RIT2: variants seen among roughly 807,000 people sequenced by gnomAD.
RIT2 encodes GTP-binding protein Rit2.
In RIT2, 24 loss-of-function variants were observed where a neutral mutation model predicts 23.7. The ratio of observed to expected loss-of-function variants is 1.01; its 90% CI spans 0.73 to 1.43. The LOEUF is 1.43. Among genes scored for constraint, RIT2 ranks in the 40% most tolerant of loss-of-function variants. The pLI is 0.00. For missense variants in RIT2, 236 were observed against 266.9 expected (o/e 0.88, Z 0.81); for synonymous variants, 107 against 91.1 (o/e 1.17, Z -0.99).
At chr18:42,843,161 A>G (rs1906813274) in intron 4 of RIT2, among the ~76,000 whole-genome samples, 1 of 152,238 alleles carries the variant, frequency 6.6e-6, no homozygotes, top group South Asian at 2.1e-4. Context: ...CTCACCTCAC[A>G]TAGAATGTGA....
chr18:42,842,892 A>C, intron 4 of RIT2, among the ~76,000 whole-genome samples: 1 of 152,176 alleles, frequency 6.6e-6, no homozygotes, highest in East Asian at 1.9e-4. Flanking sequence ...ATTAGAAAAT[A>C]ATCTCTTCCA....
intron 4 of RIT2, among the ~76,000 whole-genome samples, chr18:42,866,814 C>CT (rs1358766892): frequency 6.6e-6 from 1 of 152,014 alleles, no homozygotes; most frequent in Non-Finnish European, 1.5e-5. Flanking sequence ...TTAAATGGCT[C>CT]TTTTTTGTAT....
intron 2 of RIT2, among the ~76,000 whole-genome samples, chr18:43,026,932 A>G (rs1911746774): frequency 6.6e-6 from 1 of 152,136 alleles, no homozygotes; most frequent in African/African-American, 2.4e-5. Flanking sequence ...ATGCAAGAAG[A>G]CCAAATGCTG....
In RIT2 at chr18:43,034,806, C is replaced by T. The variant is rs568583018; in HGVS notation, c.104-939G>A. ...CCTGATATCTGATCCTCTGTCCTAC[C>T]TTCAACAAGAATCCTGCTAAGTCAG... On this transcript the variant is annotated intron_variant, in intron 1 of 4. Transcript: ENST00000326695. Among the ~76,000 whole-genome samples the T allele has an allele frequency of 2.0e-5, 3 of 152,234 alleles. No homozygotes were observed. The South Asian group carries it at 6.2e-4, about 32-fold the overall frequency.
intron 4 of RIT2, among the ~76,000 whole-genome samples, chr18:42,849,137 G>A (rs1477906849): frequency 6.6e-6 from 1 of 152,156 alleles, no homozygotes; most frequent in Non-Finnish European, 1.5e-5. Flanking sequence ...CATCAGTGTA[G>A]AGCTGAGATG....
intron 2 of RIT2, among the ~76,000 whole-genome samples, chr18:43,000,578 C>A (rs564791943): frequency 5.2e-4 from 79 of 152,068 alleles, no homozygotes; most frequent in Admixed American, 1.9e-3. Flanking sequence ...CAAATCTCAT[C>A]TCAAATTATA....
At chr18:43,022,837 C>T (rs1265632459) in intron 2 of RIT2, among the ~76,000 whole-genome samples, 1 of 152,026 alleles carries the variant, frequency 6.6e-6, no homozygotes, top group Non-Finnish European at 1.5e-5. Context: ...GAGAATTCTC[C>T]TAGCCTGTAG....
At chr18:42,967,993 T>A (rs1012132610) in intron 3 of RIT2, among the ~76,000 whole-genome samples, 10 of 152,172 alleles carry the variant, frequency 6.6e-5, no homozygotes, top group African/African-American at 2.4e-4. Flanking sequence ...ATGTTATATC[T>A]GACACTAATA....
intron 4 of RIT2, among the ~76,000 whole-genome samples, chr18:42,921,145 A>G (rs568141313): frequency 8.5e-5 from 13 of 152,302 alleles, no homozygotes; most frequent in Admixed American, 5.2e-4. Flanking sequence ...TGGTTACAAG[A>G]TAAAAGTGTG....
rs147037038 is a variant in RIT2, at chr18:42,863,390, C to A, written c.426+60182G>T. On this transcript the variant is annotated intron_variant, in intron 4 of 4. Coordinates refer to ENST00000326695, the MANE Select transcript of RIT2 (RefSeq NM_002930.4). ...TCAAAGGACCCTTAACCTTAATTAT[C>A]AAAGTTTACCTCTACCATTATTCTT... 3.1e-3 allele frequency among the ~76,000 whole-genome samples: 474 copies of A among 152,204 alleles called. 2 individuals are homozygous for A. Among genetic ancestry groups the A allele is most frequent in the African/African-American group, 0.011 (460 of 41,536 alleles).
rs73477472 is a variant in RIT2, at chr18:43,005,060, A to G, written c.160+28751T>C. The stretch of plus-strand genomic sequence containing the variant: ...AAACAAATCAATGCAGCTAAGAAAG[A>G]AAAAGTTATAGACTTGGAGATTATG... On this transcript the variant is annotated intron_variant, in intron 2 of 4. Coordinates refer to ENST00000326695, the MANE Select transcript of RIT2 (RefSeq NM_002930.4). Among the ~76,000 whole-genome samples the G allele has an allele frequency of 2.7e-3, 412 of 151,972 alleles. 3 individuals carry two copies. Among genetic ancestry groups the G allele is most frequent in the African/African-American group, 9.7e-3 (401 of 41,518 alleles).
chr18:43,028,868 C>T (rs1911791509), intron 2 of RIT2, among the ~76,000 whole-genome samples: 2 of 151,966 alleles, frequency 1.3e-5, no homozygotes, highest in African/African-American at 2.4e-5. Context: ...TATTAGTGTA[C>T]ATTTTAGACA....
At chr18:42,753,124 G>T (rs1002898841) in intron 4 of RIT2, among the ~76,000 whole-genome samples, 2 of 152,184 alleles carry the variant, frequency 1.3e-5, no homozygotes, top group African/African-American at 4.8e-5. Context: ...GGGCAAAAAG[G>T]CAGGCAGAGC....
intron 4 of RIT2, among the ~76,000 whole-genome samples, chr18:42,845,533 C>T (rs185091261): frequency 6.5e-4 from 98 of 150,270 alleles, no homozygotes; most frequent in East Asian, 4.1e-3. Context: ...ATATACATTG[C>T]GCCCAATAAC....
Position 42,743,484 on chromosome 18 carries a change from G to A in RIT2, c.*9C>T. The A allele has an allele frequency of 6.3e-7, 1 of 1,596,528 alleles. No individual in the cohort carries two copies. The highest frequency in any genetic ancestry group is 8.6e-7 in the Non-Finnish European group (1 of 1,165,010). On this transcript the variant is annotated 3_prime_UTR_variant, in exon 5 of 5. Transcript: ENST00000326695. ...TTCAGAGAGCGTGAGGAACTCAAAAGCAAAGATATCATGTCATATTTTCTC... is the reference window on the plus strand; with the variant it reads ...TTCAGAGAGCGTGAGGAACTCAAAAACAAAGATATCATGTCATATTTTCTC...
chr18:42,784,311 TA>T (rs1006516039), intron 4 of RIT2, among the ~76,000 whole-genome samples: 1 of 151,640 alleles, frequency 6.6e-6, no homozygotes, highest in African/African-American at 2.4e-5. Flanking sequence ...AAATGAAAGA[TA>T]AAGGCAAGAG....
At chr18:43,090,444 T>C (rs2144359589) in intron 1 of RIT2, among the ~76,000 whole-genome samples, 1 of 152,152 alleles carries the variant, frequency 6.6e-6, no homozygotes, top group South Asian at 2.1e-4. Context: ...AGTTCAGCCA[T>C]GTGGAAGACA....
chr18:42,948,005 G>T (rs2144168189), intron 3 of RIT2, among the ~76,000 whole-genome samples: 1 of 152,128 alleles, frequency 6.6e-6, no homozygotes, highest in Admixed American at 6.6e-5. Flanking sequence ...TAGATGGATT[G>T]TACCTAAGTT....
chr18:42,944,658 A>T (rs765136307), intron 3 of RIT2, among the ~76,000 whole-genome samples: 14 of 152,262 alleles, frequency 9.2e-5, no homozygotes, highest in South Asian at 2.1e-4. Context: ...GAAATAATTT[A>T]AAAAATTCCA....
Sources: gnomAD v4.1 joint callset for allele counts (sites outside exome capture counted in the v4.1 genomes callset) on GRCh38, gnomAD v4.1.1 for gene constraint, MANE v1.5 for transcripts, NCBI Gene and HGNC (gene_info 2026-07-23, HGNC 2026-07-21) for gene names.